The following LRRK1 variants were observed in gnomAD, a reference collection of about 807,000 sequenced individuals.
The protein encoded by LRRK1 is leucine rich repeat kinase 1, also known as leucine-rich repeat serine/threonine-protein kinase 1.
LRRK1 carries 113 observed loss-of-function variants against 209.1 expected under a neutral mutation model. The observed-to-expected ratio is 0.54, with a 90% CI of 0.46 to 0.63. LRRK1 has a LOEUF of 0.63. LRRK1 is among the 30% of genes least tolerant of loss of function. The pLI is 0.00. For missense variants in LRRK1, 2,284 were observed against 2,632.2 expected, an observed-to-expected ratio of 0.87 and a Z score of 2.89; for synonymous variants, 1,144 against 1,099.7, an observed-to-expected ratio of 1.04 and a Z score of -0.80.
At chr15:100,975,780 C>T (rs527705676) in intron 3 of LRRK1, among the ~76,000 whole-genome samples, 1 of 152,026 alleles carries the variant, frequency 6.6e-6, no homozygotes, top group Non-Finnish European at 1.5e-5. Flanking sequence ...AAAAGGGCAG[C>T]AGGACATGGA....
At position 101,070,152 on chromosome 15, in the gene LRRK1, C is replaced by T. The variant is rs544705366; in HGVS notation, c.*1304C>T. On this transcript the variant is annotated 3_prime_UTR_variant, in exon 34 of 34. Coordinates refer to ENST00000388948, the MANE Select transcript of LRRK1 (RefSeq NM_024652.6). ...CTTTTGAGCGCTTATGACCACAGCACGGGCTCAGTCCCTCCCAGACCCACT... is the reference window on the plus strand; with the variant it reads ...CTTTTGAGCGCTTATGACCACAGCATGGGCTCAGTCCCTCCCAGACCCACT... 7.9e-5 allele frequency: 12 copies of T among 152,270 alleles called. No homozygotes were observed. The highest frequency in any genetic ancestry group is 2.1e-4 in the South Asian group (1 of 4,822). The allele number at this position is 152,270 out of a possible 1,614,324, so 9.4% of individuals were successfully genotyped here. A position where few individuals can be genotyped will look rare whatever the true frequency, so the allele number is the denominator to read the frequency against.
chr15:101,065,826 C>T lies in LRRK1; in HGVS notation c.5389C>T (p.Pro1797Ser), dbSNP rs1333712810. ...FPVRPLDTEP[P>S]AASHTANPKV... ...CGTGCGGCCCTTGGACACGGAACCC[C>T]CGGCAGCCAGCCACACGGCCAACCC... The change falls in exon 32 of 34, where the codon CCG (proline) becomes TCG (serine). Residue 1797 changes from proline (P) to serine (S), a missense_variant. Transcript: ENST00000388948. 2 of 1,613,974 alleles carry T rather than the reference C, an allele frequency of 1.2e-6. No homozygotes were observed. Among genetic ancestry groups the T allele is most frequent in the African/African-American group, 1.3e-5 (1 of 74,918 alleles).
At chr15:100,942,525 T>C (rs1333019489) in intron 2 of LRRK1, among the ~76,000 whole-genome samples, 2 of 152,214 alleles carry the variant, frequency 1.3e-5, no homozygotes, top group Admixed American at 6.5e-5. Context: ...ATGGAAGACA[T>C]GGATTTAAAA....
intron 2 of LRRK1, among the ~76,000 whole-genome samples, chr15:100,930,526 C>T (rs1420116211): frequency 6.6e-6 from 1 of 152,312 alleles, no homozygotes; most frequent in East Asian, 1.9e-4. Context: ...CCCTCCCTGG[C>T]CTCCCCCACC....
At chr15:100,968,859 AG>A (rs2030671826) in intron 2 of LRRK1, among the ~76,000 whole-genome samples, 1 of 136,794 alleles carries the variant, frequency 7.3e-6, no homozygotes, top group Non-Finnish European at 1.5e-5. Flanking sequence ...TTTTTGAGAC[AG>A]GGTCTTGTTC....
rs370648969 is a variant in LRRK1, at chr15:101,045,972, G to A, written c.2964-9G>A. ...CCACTGTTCACCAGTCCCCCTTGGT[G>A]TGTTTCAGCTACCTCCTGCCCCATC... is the stretch of plus-strand genomic sequence containing the variant. On this transcript the variant is annotated splice_polypyrimidine_tract_variant and intron_variant, in intron 20 of 33. Coordinates refer to ENST00000388948, the MANE Select transcript of LRRK1 (RefSeq NM_024652.6). 71 of 1,613,644 alleles carry A rather than the reference G, an allele frequency of 4.4e-5. No individual in the cohort carries two copies. Among genetic ancestry groups the A allele is most frequent in the Non-Finnish European group, 5.6e-5 (66 of 1,179,718 alleles).
At chr15:101,010,330 C>A in intron 7 of LRRK1, 120 bp from the exon 8 acceptor site, 9 of 1,065,138 alleles carry the variant, frequency 8.4e-6, no homozygotes, top group Non-Finnish European at 1.2e-5. Context: ...AATGCACACT[C>A]TTTAACCTTG....
At position 101,024,982 on chromosome 15, in the gene LRRK1, C is replaced by T. The variant is rs200523089; in HGVS notation, c.2232+15C>T. 7.4e-5 allele frequency: 119 copies of T among 1,608,210 alleles called. No individual in the cohort carries two copies. Among genetic ancestry groups the T allele is most frequent in the African/African-American group, 6.9e-4 (52 of 74,970 alleles). On this transcript the variant is annotated intron_variant, in intron 16 of 33. Coordinates refer to ENST00000388948, the MANE Select transcript of LRRK1 (RefSeq NM_024652.6). This position sits in a 1 kb window ranked among gnomAD's most constrained non-coding sequence, Gnocchi z 4.6. ...TCAACATCGAGGTGAGGACACCAGA[C>T]GCCAGCCCTGCCATTTCAGTGCCCA...
chr15:100,950,955 T>C (rs2141622071), intron 2 of LRRK1, among the ~76,000 whole-genome samples: 1 of 151,860 alleles, frequency 6.6e-6, no homozygotes, highest in Non-Finnish European at 1.5e-5. Context: ...TACAAAAAAT[T>C]AGCCGGGCGT....
In LRRK1 at chr15:101,055,277, G is replaced by A. The variant is rs2035732260; in HGVS notation, c.4332+54G>A. The A allele has an allele frequency of 5.4e-6, 8 of 1,474,732 alleles. No homozygotes were observed. In the East Asian group the frequency reaches 1.2e-4, roughly 23 times the overall value. The allele number at this position is 1,474,732 out of a possible 1,614,324, so 91.4% of individuals were successfully genotyped here. A position where few individuals can be genotyped will look rare whatever the true frequency, so the allele number is the denominator to read the frequency against. On this transcript the variant is annotated intron_variant, in intron 27 of 33. Transcript: ENST00000388948. ...CCACAGTGTAGGAGCCCAGCCCTCA[G>A]GCTAGCCGGGCAGTCCTGGAGGCAC... is the stretch of plus-strand genomic sequence containing the variant.
chr15:101,057,720 G>T (rs958509713), intron 28 of LRRK1, among the ~76,000 whole-genome samples: 1 of 152,222 alleles, frequency 6.6e-6, no homozygotes, highest in Non-Finnish European at 1.5e-5. Flanking sequence ...GTGAGATGAA[G>T]AGTGTATGTC....
rs1381857016 is a variant in LRRK1, at chr15:101,053,330, C to T, written c.3964C>T (p.Leu1322Phe). 6.2e-7 allele frequency: 1 copy of T among 1,604,314 alleles called. No individual in the cohort carries two copies. The highest frequency in any genetic ancestry group is 2.2e-5 in the East Asian group (1 of 44,894). Residue 1322 changes from leucine (L) to phenylalanine (F), a missense_variant, in exon 26 of 34, where the codon CTC becomes TTC. Around this residue, in one of 6 missense-constraint regions of LRRK1, gnomAD observed 780 missense variants for 985.2 expected, o/e 0.79. Transcript: ENST00000388948. The part of the protein sequence containing the change: ...HALQHPCIVA[L>F]IGISIHPLCF... ...GCTGCAGCACCCCTGCATCGTGGCG[C>T]TCATCGGCATCAGCATCCACCCGCT...
intron 13 of LRRK1, 61 bp downstream of exon 13, chr15:101,021,243 TC>T (rs2033772457): frequency 6.4e-7 from 1 of 1,573,666 alleles, no homozygotes; most frequent in Non-Finnish European, 8.7e-7. Flanking sequence ...AGAACGCCCA[TC>T]CCTAAACCAA....
rs776274848 is a variant in LRRK1 at position 100,990,007 on chromosome 15, T to C, written c.762+609T>C. On this transcript the variant is annotated intron_variant, in intron 6 of 33. Coordinates refer to ENST00000388948, the MANE Select transcript of LRRK1 (RefSeq NM_024652.6). ...AACAAGTGATCACAATTGAGAGTGG[T>C]AATCAAAATTATGAATCTTCTGCCC... Among the ~76,000 whole-genome samples, 50 of 152,298 alleles carry C rather than the reference T, an allele frequency of 3.3e-4. 1 individual carries two copies. The highest frequency in any genetic ancestry group is 2.5e-4 in the Non-Finnish European group (17 of 68,014).
rs1202318761 is a variant in LRRK1 at position 101,074,892 on chromosome 15, A to T, written c.*6044A>T. 1 of 150,784 alleles carries T rather than the reference A, an allele frequency of 6.6e-6. No individual in the cohort carries two copies. Among genetic ancestry groups the T allele is most frequent in the South Asian group, 2.1e-4 (1 of 4,770 alleles). The allele number at this position is 150,784 out of a possible 1,614,324, so 9.3% of individuals were successfully genotyped here. On this transcript the variant is annotated 3_prime_UTR_variant, in exon 34 of 34. Transcript: ENST00000388948. ...CTAAGCCGTGTCCCATCTGTGCGGG[A>T]CCCCACTGGAAATCGGACTGTCCAA...
chr15:100,971,106 G>A (rs1227937544), intron 2 of LRRK1, among the ~76,000 whole-genome samples: 1 of 152,126 alleles, frequency 6.6e-6, no homozygotes, highest in Non-Finnish European at 1.5e-5. Context: ...GGCTGAGGTG[G>A]GTGGATCACT....
chr15:101,065,164 G>T, intron 31 of LRRK1, 188 bp from the exon 32 acceptor site: 2 of 635,008 alleles, frequency 3.1e-6, no homozygotes, highest in Non-Finnish European at 2.7e-6. Flanking sequence ...ATATGGCTCT[G>T]CGGAGTCAGA....
rs1316453660 is a variant in LRRK1 at position 101,068,860 on chromosome 15, T to A, written c.*12T>A. On this transcript the variant is annotated 3_prime_UTR_variant, in exon 34 of 34. Coordinates refer to ENST00000388948, the MANE Select transcript of LRRK1 (RefSeq NM_024652.6). ...GCAAGAGAAGGTAATTCCTGTGGAA[T>A]GACTGTCACACATCAGAGCTGGCTG... The A allele has an allele frequency of 6.3e-7, 1 of 1,582,162 alleles. No individual in the cohort carries two copies. Among genetic ancestry groups the A allele is most frequent in the South Asian group, 1.2e-5 (1 of 86,014 alleles).
intron 2 of LRRK1, among the ~76,000 whole-genome samples, chr15:100,934,833 A>AGAAAACC (rs1198456382): frequency 4.0e-5 from 6 of 150,844 alleles, no homozygotes; most frequent in Non-Finnish European, 8.9e-5. Context: ...GGAAGGAAGA[A>AGAAAACC]GAAAACCAGA....
Sources: gnomAD v4.1 joint callset for allele counts (sites outside exome capture counted in the v4.1 genomes callset) on GRCh38, gnomAD v4.1.1 for gene constraint, gnomAD v4.1.1 regional missense constraint, Gnocchi (gnomAD v3.1) non-coding constraint, MANE v1.5 for transcripts, NCBI Gene and HGNC (gene_info 2026-07-23, HGNC 2026-07-21) for gene names.